The following UBR1 variants were observed in gnomAD, a reference collection of about 807,000 sequenced individuals.
The protein encoded by UBR1 is E3 ubiquitin-protein ligase UBR1.
In UBR1, 102 loss-of-function variants were observed where a neutral mutation model predicts 242.1. The ratio of observed to expected loss-of-function variants is 0.42; its 90% CI spans 0.36 to 0.50. The LOEUF (loss-of-function observed/expected upper bound fraction) is 0.50. Ranked by LOEUF, UBR1 falls within the 20% of genes least tolerant of loss-of-function variation. The pLI is 0.01. For missense variants in UBR1, 1,772 were observed against 2,101.8 expected, an observed-to-expected ratio of 0.84 and a Z score of 3.07; for synonymous variants, 675 against 684.8, an observed-to-expected ratio of 0.99 and a Z score of 0.22.
chr15:43,086,364 A>C, intron 1 of UBR1, 124 bp from the exon 2 acceptor site: 7 of 1,201,714 alleles, frequency 5.8e-6, no homozygotes, highest in Non-Finnish European at 7.9e-6. Context: ...TCTTTCACCA[A>C]TACAGAAGGA....
chr15:42,989,801 G>A (rs1355719304), intron 34 of UBR1, among the ~76,000 whole-genome samples: 5 of 152,112 alleles, frequency 3.3e-5, no homozygotes, highest in Non-Finnish European at 5.9e-5. Context: ...TGGCATTTTT[G>A]TTGGTTAAAA....
intron 44 of UBR1, among the ~76,000 whole-genome samples, chr15:42,957,672 C>A (rs564455115): frequency 7.9e-5 from 12 of 152,068 alleles, no homozygotes; most frequent in African/African-American, 2.9e-4. Flanking sequence ...CCCAGGAGTT[C>A]GAGACCAGCC....
At chr15:43,085,051 G>C (rs771813892) in intron 2 of UBR1, among the ~76,000 whole-genome samples, 1 of 152,160 alleles carries the variant, frequency 6.6e-6, no homozygotes, top group African/African-American at 2.4e-5. Flanking sequence ...TTTCCCTGCC[G>C]CTGGCCTCTT....
intron 6 of UBR1, 62 bp from the exon 7 acceptor site, chr15:43,060,176 T>C: frequency 3.3e-6 from 5 of 1,509,244 alleles, no homozygotes; most frequent in African/African-American, 1.4e-5. Flanking sequence ...ATAAGCAATA[T>C]GTAGCCCAAA....
chr15:42,963,378 G>A (rs868277574), intron 42 of UBR1, among the ~76,000 whole-genome samples: 1 of 152,166 alleles, frequency 6.6e-6, no homozygotes, highest in African/African-American at 2.4e-5. Context: ...GATAGAAAAT[G>A]GTGCAGGCAA....
At chr15:43,028,075 G>A (rs2048286751) in intron 21 of UBR1, among the ~76,000 whole-genome samples, 1 of 152,244 alleles carries the variant, frequency 6.6e-6, no homozygotes, top group Middle Eastern at 3.4e-3. Context: ...TCATATGTGT[G>A]TATAAGTACA....
intron 1 of UBR1, 32 bp downstream of exon 1, chr15:43,105,910 A>C (rs68062403): frequency 2.6e-6 from 4 of 1,521,382 alleles, no homozygotes; most frequent in East Asian, 2.3e-5. Flanking sequence ...GACCGGGGGG[A>C]GGACAAAAGA....
Position 43,007,243 on chromosome 15 carries a change from G to T in UBR1, c.3251C>A (p.Pro1084His), listed in dbSNP as rs905594006. 1 of 1,614,064 alleles carries T rather than the reference G, an allele frequency of 6.2e-7. No homozygotes were observed. The highest frequency in any genetic ancestry group is 8.5e-7 in the Non-Finnish European group (1 of 1,180,018). Residue 1084 changes from proline (P) to histidine (H), a missense_variant, in exon 30 of 47, where the codon CCT (proline) becomes CAT (histidine). Pro to His is a moderately conservative substitution (Grantham distance 77). This residue lies in a region of UBR1 where 965 missense variants were observed against 1,079.7 expected (regional missense o/e 0.89). Coordinates refer to ENST00000290650, the MANE Select transcript of UBR1 (RefSeq NM_174916.3). ...VSDYSRIALG[P>H]KRGPSVTEKE... The stretch of plus-strand genomic sequence containing the variant: ...TTCAGTAACAGATGGACCCCGTTTA[G>T]GACCCAAAGCAATTCTAGAGTAGTC...
chr15:42,992,532 C>A (rs538527980), intron 33 of UBR1, among the ~76,000 whole-genome samples: 42 of 152,308 alleles, frequency 2.8e-4, no homozygotes, highest in African/African-American at 9.9e-4. Flanking sequence ...ATCTGCCCAG[C>A]ACATGTACTC....
rs138924991 is a variant in UBR1, at chr15:43,031,827, C to A, written c.2254+741G>T. Among the ~76,000 whole-genome samples, 1,312 of 152,236 alleles carry A rather than the reference C, an allele frequency of 8.6e-3. 20 individuals are homozygous for A. The highest frequency in any genetic ancestry group is 0.03 in the African/African-American group (1,243 of 41,540). On this transcript the variant is annotated intron_variant, in intron 20 of 46. Transcript: ENST00000290650. ...CATGAGGTCAGGAGTTCAAGACCAG[C>A]CTGGCCAATATGGTGAAACCCCGTC...
chr15:43,079,103 C>A (rs1234867892), intron 3 of UBR1, among the ~76,000 whole-genome samples: 1 of 152,026 alleles, frequency 6.6e-6, no homozygotes, highest in Admixed American at 6.6e-5. Context: ...AAATGGGGGA[C>A]AGGCATAAGA....
intron 15 of UBR1, among the ~76,000 whole-genome samples, chr15:43,039,517 C>T (rs901040792): frequency 6.6e-6 from 1 of 152,102 alleles, no homozygotes; most frequent in Admixed American, 6.5e-5. Flanking sequence ...GTGATTTTTG[C>T]ACATTGATTT....
chr15:42,973,703 C>A (rs1210091269), intron 39 of UBR1, among the ~76,000 whole-genome samples: 1 of 152,034 alleles, frequency 6.6e-6, no homozygotes, highest in African/African-American at 2.4e-5. Context: ...AATACTTTTT[C>A]CCAGAATGTG....
chr15:42,976,626 A>C (rs2032292723), intron 39 of UBR1, 91 bp downstream of exon 39: 1 of 1,477,104 alleles, frequency 6.8e-7, no homozygotes, highest in African/African-American at 1.4e-5. Context: ...CAGAACCTAG[A>C]AATACATTAT....
chr15:42,966,075 C>T (rs1203366877), intron 41 of UBR1, 78 bp downstream of exon 41: 7 of 1,601,054 alleles, frequency 4.4e-6, no homozygotes, highest in Non-Finnish European at 6.0e-6. Flanking sequence ...TCTGCTTTAA[C>T]CTTGTATTCA....
In UBR1 at chr15:43,021,363, G is replaced by T; in HGVS notation, c.2852C>A (p.Ser951Ter). The change falls in exon 27 of 47, where the codon TCA (serine) becomes TAA (stop). Residue 951 changes from serine (S) to a stop codon, truncating the protein, a stop_gained. Coordinates refer to ENST00000290650, the MANE Select transcript of UBR1 (RefSeq NM_174916.3). LOFTEE classifies it high-confidence loss of function. ...FYHKASRLGS[S>*]AMNIQMLLEK... ...CAAAAGCATTTGTATATTCATGGCT[G>T]AACTTCCCAATCCTTTTTTAAAACA... 6.2e-7 allele frequency: 1 copy of T among 1,613,552 alleles called. No homozygotes were observed. Among genetic ancestry groups the T allele is most frequent in the South Asian group, 1.1e-5 (1 of 91,070 alleles).
At position 43,054,813 on chromosome 15, in the gene UBR1, G is replaced by A; in HGVS notation, c.1368C>T (p.Asn456=). The A allele has an allele frequency of 6.2e-7, 1 of 1,614,032 alleles. No individual in the cohort carries two copies. The highest frequency in any genetic ancestry group is 8.5e-7 in the Non-Finnish European group (1 of 1,180,000). Reference sequence around the variant, plus strand: ...TATAACCCTGGAAGTTGAATTTATTGTTCCTGTCCAAGTACTCAGGTAAAA... The same window carrying A: ...TATAACCCTGGAAGTTGAATTTATTATTCCTGTCCAAGTACTCAGGTAAAA... ...LEVLPEYLDR[N]NKFNFQGYSQ... The change falls in exon 12 of 47, where the codon AAC becomes AAT. Residue 456 remains asparagine (N), a synonymous_variant. Transcript: ENST00000290650.
chr15:42,956,164 G>T (rs188630420), intron 44 of UBR1, among the ~76,000 whole-genome samples: 1 of 152,144 alleles, frequency 6.6e-6, no homozygotes, highest in East Asian at 1.9e-4. Context: ...CTGTTTAATG[G>T]GCTTCCATGT....
intron 39 of UBR1, among the ~76,000 whole-genome samples, chr15:42,975,681 G>C (rs551213593): frequency 2.6e-5 from 4 of 151,810 alleles, no homozygotes; most frequent in Admixed American, 1.3e-4. Flanking sequence ...ACCAGATTTT[G>C]CTTTGGGTTT....
Sources: allele counts gnomAD v4.1 joint callset (sites outside exome capture counted in the v4.1 genomes callset), GRCh38; gene constraint gnomAD v4.1.1; regional missense constraint gnomAD v4.1.1; transcripts MANE v1.5; gene names NCBI Gene and HGNC (gene_info 2026-07-23, HGNC 2026-07-21).